Variants in GDA observed in about 807,000 individuals in gnomAD.
The protein encoded by GDA is guanine deaminase.
Under a neutral mutation model 59.6 loss-of-function variants are expected in GDA, and 18 were observed. The observed-to-expected ratio is 0.30, with a 90% CI of 0.21 to 0.45. The LOEUF is 0.45. GDA is among the 20% of genes least tolerant of loss of function. The probability of loss-of-function intolerance (pLI) is 1.00; values close to 1 mark genes in which losing one functional copy is unlikely to be tolerated. For missense variants in GDA, 427 were observed against 552.3 expected (o/e 0.77, Z 2.27); for synonymous variants, 201 against 201.1 (o/e 1.00, Z 0.00).
chr9:72,197,051 T>C (rs1833282781), intron 2 of GDA, among the ~76,000 whole-genome samples: 2 of 152,214 alleles, frequency 1.3e-5, no homozygotes, highest in South Asian at 4.1e-4. Flanking sequence ...TCACGTAATA[T>C]AGAGAAACAC....
At chr9:72,213,273 A>G (rs1835619135) in intron 4 of GDA, among the ~76,000 whole-genome samples, 1 of 152,110 alleles carries the variant, frequency 6.6e-6, no homozygotes, top group African/African-American at 2.4e-5. Context: ...TCTCAAAAAC[A>G]AAACAAACAA....
At chr9:72,187,431 A>T (rs754871652) in intron 1 of GDA, among the ~76,000 whole-genome samples, 2 of 152,194 alleles carry the variant, frequency 1.3e-5, no homozygotes, top group Admixed American at 1.3e-4. Flanking sequence ...TTTCTGCTGT[A>T]TGATGACTCT....
At chr9:72,233,930 A>G (rs927652773) in intron 10 of GDA, among the ~76,000 whole-genome samples, 1 of 152,194 alleles carries the variant, frequency 6.6e-6, no homozygotes, top group African/African-American at 2.4e-5. Context: ...TGACAGAGTG[A>G]GACCCTGTCC....
At chr9:72,115,967 C>T (rs1002744640) in intron 1 of GDA, among the ~76,000 whole-genome samples, 4 of 152,184 alleles carry the variant, frequency 2.6e-5, no homozygotes, top group African/African-American at 9.7e-5. Context: ...GGTGTGGTGG[C>T]TCACGCCTGT....
intron 1 of GDA, among the ~76,000 whole-genome samples, chr9:72,181,100 A>G (rs900702526): frequency 5.9e-5 from 9 of 151,996 alleles, no homozygotes; most frequent in African/African-American, 1.7e-4. Flanking sequence ...TCACTCATAC[A>G]TTTTTCTGGT....
At chr9:72,235,733 C>T (rs576192840) in intron 10 of GDA, among the ~76,000 whole-genome samples, 1 of 151,392 alleles carries the variant, frequency 6.6e-6, no homozygotes, top group Admixed American at 6.6e-5. Flanking sequence ...GAGAATTGCA[C>T]ATATTTTACT....
intron 1 of GDA, among the ~76,000 whole-genome samples, chr9:72,189,987 G>A (rs1832336650): frequency 6.6e-6 from 1 of 152,202 alleles, no homozygotes; most frequent in Non-Finnish European, 1.5e-5. Context: ...ACAGTATTAA[G>A]AGGTAGGGCC....
At chr9:72,253,790 A>G (rs977553486), downstream of GDA, among the ~76,000 whole-genome samples, 3 of 152,156 alleles carry the variant, frequency 2.0e-5, no homozygotes, top group African/African-American at 7.2e-5. Context: ...ACAACAGATA[A>G]TATATAAACG....
At chr9:72,140,679 A>T (rs1470486238) in intron 1 of GDA, among the ~76,000 whole-genome samples, 1 of 152,182 alleles carries the variant, frequency 6.6e-6, no homozygotes, top group Non-Finnish European at 1.5e-5. Flanking sequence ...TTCTCCATTG[A>T]AATAAGTATA....
chr9:72,235,574 G>T (rs574890177), intron 10 of GDA, among the ~76,000 whole-genome samples: 1 of 152,190 alleles, frequency 6.6e-6, no homozygotes, highest in East Asian at 1.9e-4. Flanking sequence ...GCATGTGCCT[G>T]TAGTCCCAGC....
intron 1 of GDA, among the ~76,000 whole-genome samples, chr9:72,179,476 T>C (rs754393783): frequency 2.0e-5 from 3 of 152,176 alleles, no homozygotes; most frequent in Non-Finnish European, 4.4e-5. Flanking sequence ...AGCTAGTAAA[T>C]AGCAGAATCT....
chr9:72,146,142 T>TGGG (rs1826623221), upstream of GDA, among the ~76,000 whole-genome samples: 1 of 14,594 alleles, frequency 6.9e-5, no homozygotes, highest in African/African-American at 4.0e-4. Flanking sequence ...GAGGGGGGGT[T>TGGG]GGGGGTTGGG....
At chr9:72,259,005 T>A (rs904312179), downstream of GDA, among the ~76,000 whole-genome samples, 7 of 152,008 alleles carry the variant, frequency 4.6e-5, 1 homozygote, top group East Asian at 9.7e-4. Context: ...CTGGCTCAAA[T>A]GTACTGTACA....
intron 5 of GDA, among the ~76,000 whole-genome samples, chr9:72,218,999 T>C (rs1222710247): frequency 6.6e-6 from 1 of 152,228 alleles, no homozygotes; most frequent in African/African-American, 2.4e-5. Context: ...GCAGAGTAAT[T>C]ACTACTTGTT....
At chr9:72,223,685 C>G (rs1017866414) in intron 7 of GDA, among the ~76,000 whole-genome samples, 1 of 152,182 alleles carries the variant, frequency 6.6e-6, no homozygotes, top group South Asian at 2.1e-4. Context: ...CATTTAAAAT[C>G]CCTTTTGTTC....
chr9:72,176,976 A>T (rs1216299398), intron 1 of GDA, among the ~76,000 whole-genome samples: 1 of 152,200 alleles, frequency 6.6e-6, no homozygotes, highest in Non-Finnish European at 1.5e-5. Context: ...GGACACAGCA[A>T]GGGTTTCCTC....
intron 3 of GDA, among the ~76,000 whole-genome samples, chr9:72,204,147 C>T (rs1448587798): frequency 2.0e-5 from 3 of 152,086 alleles, no homozygotes; most frequent in Admixed American, 1.3e-4. Flanking sequence ...ACTTGCCTCA[C>T]GTAATTATAA....
intron 1 of GDA, among the ~76,000 whole-genome samples, chr9:72,123,149 C>G (rs1308752015): frequency 1.3e-5 from 2 of 151,700 alleles, no homozygotes; most frequent in Non-Finnish European, 2.9e-5. Context: ...GAGAATACTT[C>G]CCACTCTCAG....
At chr9:72,244,960 A>G (rs189417736) in intron 11 of GDA, among the ~76,000 whole-genome samples, 188 bp from the exon 12 acceptor site, 1 of 152,184 alleles carries the variant, frequency 6.6e-6, no homozygotes, top group African/African-American at 2.4e-5. Flanking sequence ...TCCTGTGCTT[A>G]CTCCACTTTA....
Sources: gnomAD v4.1 joint callset for allele counts (sites outside exome capture counted in the v4.1 genomes callset) on GRCh38, gnomAD v4.1.1 for gene constraint, MANE v1.5 for transcripts, NCBI Gene and HGNC (gene_info 2026-07-23, HGNC 2026-07-21) for gene names.